IKZF5: variants seen among roughly 807,000 people sequenced by gnomAD.
The protein encoded by IKZF5 is zinc finger protein Pegasus.
Under a neutral mutation model 30.7 loss-of-function variants are expected in IKZF5, and 4 were observed. The observed-to-expected ratio is 0.13, with a 90% CI of 0.06 to 0.30. The LOEUF is 0.30. Ranked by LOEUF, IKZF5 falls within the 10% of genes least tolerant of loss-of-function variation. IKZF5 has a pLI of 1.00. For synonymous variants in IKZF5, 148 were observed against 179.6 expected (o/e 0.82, Z 1.41); for missense variants, 348 against 525.5 (o/e 0.66, Z 3.30).
At chr10:123,005,651 C>A (rs1235025570) in intron 2 of IKZF5, among the ~76,000 whole-genome samples, 2 of 152,056 alleles carry the variant, frequency 1.3e-5, no homozygotes, top group Non-Finnish European at 2.9e-5. Flanking sequence ...TGGAGTGGGG[C>A]CTTTGAGAAA....
chr10:122,996,713 GAAAAC>G (rs975539478), intron 3 of IKZF5, among the ~76,000 whole-genome samples: 1 of 151,922 alleles, frequency 6.6e-6, no homozygotes, highest in Non-Finnish European at 1.5e-5. Context: ...CAAAAACAAA[GAAAAC>G]AAAATTACTT....
At chr10:123,001,460 A>G (rs1324696370) in intron 2 of IKZF5, among the ~76,000 whole-genome samples, 1 of 152,128 alleles carries the variant, frequency 6.6e-6, no homozygotes, top group Admixed American at 6.5e-5. Context: ...TTTCTTCTAA[A>G]TGCTTTTTAT....
intron 2 of IKZF5, among the ~76,000 whole-genome samples, chr10:123,001,070 C>T (rs971785149): frequency 6.6e-6 from 1 of 151,554 alleles, no homozygotes; most frequent in Non-Finnish European, 1.5e-5. Flanking sequence ...GGTGCAGTGC[C>T]GTGATCTCGG....
chr10:123,008,143 T>C (rs1420414364), intron 1 of IKZF5, among the ~76,000 whole-genome samples: 3 of 152,142 alleles, frequency 2.0e-5, no homozygotes, highest in African/African-American at 4.8e-5. Context: ...CACATGTTCC[T>C]AAAATAAGGG....
intron 3 of IKZF5, chr10:122,997,109 T>G (rs1405109680): frequency 6.6e-6 from 1 of 152,214 alleles, no homozygotes; most frequent in Non-Finnish European, 1.5e-5. Context: ...ATCTGACTAC[T>G]TTTTTGTAGA....
intron 2 of IKZF5, among the ~76,000 whole-genome samples, chr10:123,004,629 T>TAAAAAAAAAA (rs34085831): frequency 1.4e-5 from 2 of 145,896 alleles, no homozygotes; most frequent in Non-Finnish European, 1.5e-5. Context: ...ATGATAAACT[T>TAAAAAAAAAA]AAAAAAAAAA....
rs1452356039 is a variant in IKZF5, at chr10:122,993,838, C to T, written c.1202G>A (p.Cys401Tyr). 5 of 1,612,882 alleles carry T rather than the reference C, an allele frequency of 3.1e-6. No homozygotes were observed. The highest frequency in any genetic ancestry group is 1.3e-5 in the African/African-American group (1 of 75,008). ...ACAGGCAAAATCATACTTGTTTTTA[C>T]ATTTGCATCCACATATATTACACTG... ...PFQCNICGCK[C>Y]KNKYDFACHF... Residue 401 changes from cysteine (C) to tyrosine (Y), a missense_variant, in exon 5 of 5, where the codon TGT (cysteine) becomes TAT (tyrosine). Cys to Tyr is a radical substitution (Grantham distance 194). Around this residue, in one of 4 missense-constraint regions of IKZF5, gnomAD observed 56 missense variants for 104.7 expected, o/e 0.53. Transcript: ENST00000368886.
chr10:123,008,571 G>A (rs1218453526), intron 1 of IKZF5, 123 bp downstream of exon 1: 4 of 272,962 alleles, frequency 1.5e-5, no homozygotes, highest in Non-Finnish European at 2.2e-5. Context: ...ACCCTCCACT[G>A]AACTGAGTCT....
In IKZF5 at chr10:122,993,743, A is replaced by G; in HGVS notation, c.*37T>C. The G allele has an allele frequency of 1.3e-6, 2 of 1,482,646 alleles. No homozygotes were observed. Among genetic ancestry groups the G allele is most frequent in the Non-Finnish European group, 1.8e-6 (2 of 1,097,554 alleles). 91.8% of individuals were successfully genotyped at this position (1,482,646 alleles called of 1,614,324 possible). ...AAAAAACAAAAAAAACCAAACCACA[A>G]AAACAGCAAAACTAAGTAAAATATG... is the stretch of plus-strand genomic sequence containing the variant. On this transcript the variant is annotated 3_prime_UTR_variant, in exon 5 of 5. Transcript: ENST00000368886.
At chr10:122,999,323 A>C (rs1034534331) in intron 2 of IKZF5, among the ~76,000 whole-genome samples, 4 of 150,862 alleles carry the variant, frequency 2.7e-5, no homozygotes, top group Non-Finnish European at 4.4e-5. Context: ...TTTAAATAGA[A>C]ATAGCTGCAT....
chr10:122,994,641 A>G lies in IKZF5; in HGVS notation c.399T>C (p.Thr133=), dbSNP rs140864030. Residue 133 remains threonine, a synonymous_variant, in exon 5 of 5, where the codon ACT becomes ACC. Transcript: ENST00000368886. The surrounding 1 kb of genome is among the most constrained non-coding windows in gnomAD (Gnocchi z 5.6). The part of the protein sequence containing the change: ...RHLEAHMRSH[T]GEKPYKCELC... ...ATTCACATTTGTATGGTTTTTCTCC[A>G]GTATGAGAACGCATATGGGCTTCCA... 4 of 1,614,218 alleles carry G rather than the reference A, an allele frequency of 2.5e-6. No individual in the cohort carries two copies. The African/African-American group carries it at 5.3e-5, about 22-fold the overall frequency.
In IKZF5 at chr10:123,007,591, T is replaced by C. The variant is rs568212304; in HGVS notation, c.-197-415A>G. Among the ~76,000 whole-genome samples the C allele has an allele frequency of 1.4e-3, 220 of 152,074 alleles. 4 individuals are homozygous for C. The highest frequency in any genetic ancestry group is 1.5e-3 in the Non-Finnish European group (102 of 67,968). ...TAGGGAAATGGGAAAGGGCTTTAAA[T>C]ACAAAAACAAAAAAAACATGCACAC... On this transcript the variant is annotated intron_variant, in intron 1 of 4. Transcript: ENST00000368886.
chr10:123,006,844 T>C (rs971987839), intron 2 of IKZF5, among the ~76,000 whole-genome samples, 182 bp downstream of exon 2: 4 of 152,198 alleles, frequency 2.6e-5, no homozygotes, highest in African/African-American at 9.7e-5. Context: ...TTGGTTTCTA[T>C]GGAGTAACAT....
Position 122,994,818 on chromosome 10 carries a change from AAAAG to A in IKZF5, c.317-99_317-96del, listed in dbSNP as rs1278801769. On this transcript the variant is annotated intron_variant, in intron 4 of 4. Transcript: ENST00000368886. This position sits in a 1 kb window ranked among gnomAD's most constrained non-coding sequence, Gnocchi z 5.6. ...TCATTGGACAACTGGAAATTGATCAAAAAGAAAATGCTTTCAGAAAGTCATATTT... is the reference window on the plus strand; with the variant it reads ...TCATTGGACAACTGGAAATTGATCAAAAAATGCTTTCAGAAAGTCATATTT... 4.1e-6 allele frequency: 4 copies of A among 987,276 alleles called. No individual in the cohort carries two copies. Among genetic ancestry groups the A allele is most frequent in the Non-Finnish European group, 6.0e-6 (4 of 664,926 alleles). The allele number at this position is 987,276 out of a possible 1,614,324, so 61.2% of individuals were successfully genotyped here.
Position 123,008,786 on chromosome 10 carries a change from T to C in IKZF5, c.-290A>G. 1 of 609,672 alleles carries C rather than the reference T, an allele frequency of 1.6e-6. No individual in the cohort carries two copies. The highest frequency in any genetic ancestry group is 1.9e-5 in the South Asian group (1 of 52,774). The allele number at this position is 609,672 out of a possible 1,614,324, so 37.8% of individuals were successfully genotyped here. ...GTCACCGTCACAGTCGCCGCCGCCATCTTTGTTGTGTCTCCGACTCCCTTC... is the reference window on the plus strand; with the variant it reads ...GTCACCGTCACAGTCGCCGCCGCCACCTTTGTTGTGTCTCCGACTCCCTTC... On this transcript the variant is annotated 5_prime_UTR_variant, in exon 1 of 5. An upstream start codon of the reference 5' UTR is lost. Coordinates refer to ENST00000368886, the MANE Select transcript of IKZF5 (RefSeq NM_001372123.1).
At chr10:123,002,685 C>T (rs1031101521) in intron 2 of IKZF5, among the ~76,000 whole-genome samples, 8 of 147,346 alleles carry the variant, frequency 5.4e-5, no homozygotes, top group Non-Finnish European at 8.9e-5. Flanking sequence ...ATTAGCCAGG[C>T]GTGGTGGCAG....
chr10:123,003,245 G>T (rs1442241824), intron 2 of IKZF5, among the ~76,000 whole-genome samples: 6 of 75,852 alleles, frequency 7.9e-5, no homozygotes, highest in South Asian at 4.0e-4. Context: ...GACTTTTGTG[G>T]GGGGGGGGGT....
intron 2 of IKZF5, among the ~76,000 whole-genome samples, chr10:123,003,970 C>T (rs997271478): frequency 1.3e-5 from 2 of 152,014 alleles, no homozygotes; most frequent in South Asian, 2.1e-4. Context: ...CATTTGTTTC[C>T]GTTGTTTTTT....
intron 2 of IKZF5, among the ~76,000 whole-genome samples, chr10:123,004,818 T>C (rs1383488606): frequency 6.6e-6 from 1 of 152,162 alleles, no homozygotes; most frequent in African/African-American, 2.4e-5. Flanking sequence ...CTGTATGGCC[T>C]CTATCCCATA....
Sources: gnomAD v4.1 joint callset for allele counts (sites outside exome capture counted in the v4.1 genomes callset) on GRCh38, gnomAD v4.1.1 for gene constraint, gnomAD v4.1.1 regional missense constraint, Gnocchi (gnomAD v3.1) non-coding constraint, MANE v1.5 for transcripts, NCBI Gene and HGNC (gene_info 2026-07-23, HGNC 2026-07-21) for gene names.